The following RBPJ variants were observed in gnomAD, a reference collection of about 807,000 sequenced individuals.
RBPJ encodes the protein recombining binding protein suppressor of hairless.
RBPJ carries 9 observed loss-of-function variants against 67.8 expected under a neutral mutation model. The observed-to-expected ratio is 0.13, with a 90% CI of 0.08 to 0.23. The LOEUF is 0.23. RBPJ is among the 10% of genes least tolerant of loss of function. The pLI is 1.00. For missense variants in RBPJ, 305 were observed against 595.6 expected (o/e 0.51, Z 5.08); for synonymous variants, 198 against 203.3 (o/e 0.97, Z 0.22).
upstream of RBPJ, chr4:26,320,958 G>T: frequency 3.1e-6 from 5 of 1,612,874 alleles, no homozygotes; most frequent in Non-Finnish European, 3.4e-6. Flanking sequence ...GAAGGGGCGG[G>T]GGAGAGGGAC....
the RBPJ span, among the ~76,000 whole-genome samples, chr4:26,128,955 C>A: frequency 6.6e-6 from 1 of 152,218 alleles, no homozygotes; most frequent in Non-Finnish European, 1.5e-5. Context: ...TAAGGCCTCC[C>A]CAGCTACGTG....
intron 2 of RBPJ, among the ~76,000 whole-genome samples, chr4:26,394,026 ATT>A (rs5856942): frequency 8.7e-4 from 115 of 131,792 alleles, no homozygotes; most frequent in Middle Eastern, 4.3e-3. Context: ...CTATGGATTC[ATT>A]TTTTTTTTTT....
At chr4:26,397,884 C>T (rs889621964) in intron 2 of RBPJ, among the ~76,000 whole-genome samples, 2 of 152,156 alleles carry the variant, frequency 1.3e-5, no homozygotes, top group South Asian at 4.1e-4. Flanking sequence ...CCGCCTGCGT[C>T]GGCCTCCCAA....
intron 1 of RBPJ, among the ~76,000 whole-genome samples, chr4:26,245,291 C>T (rs1041129868): frequency 4.0e-5 from 6 of 150,578 alleles, no homozygotes. Context: ...TCACTGCAAC[C>T]TCCACCTCCC....
Position 26,177,053 on chromosome 4 carries a change from T to A in RBPJ, c.-167+13439T>A, listed in dbSNP as rs75182624. 5.2e-3 allele frequency among the ~76,000 whole-genome samples: 795 copies of A among 152,340 alleles called. 5 individuals carry two copies. The highest frequency in any genetic ancestry group is 0.018 in the African/African-American group (754 of 41,596). On this transcript the variant is annotated intron_variant, in intron 1 of 4. Transcript: ENST00000512351. ...TCTTTCCTTCTTAGACTTGTGACACTGTGAGTTTACACACAGGAATCTGGA... is the reference window on the plus strand; with the variant it reads ...TCTTTCCTTCTTAGACTTGTGACACAGTGAGTTTACACACAGGAATCTGGA...
intron 2 of RBPJ, among the ~76,000 whole-genome samples, chr4:26,399,949 GATTA>G (rs1456038610): frequency 6.6e-6 from 1 of 152,104 alleles, no homozygotes; most frequent in African/African-American, 2.4e-5. Context: ...AAAGTGCTGT[GATTA>G]CAGGCGTAAT....
In RBPJ at chr4:26,424,754, A is replaced by C; in HGVS notation, c.747+11A>C. On this transcript the variant is annotated intron_variant, in intron 7 of 10. Transcript: ENST00000355476. This position sits in a 1 kb window ranked among gnomAD's most constrained non-coding sequence, Gnocchi z 5.3. ...GCACTCCCAAGATTGGTATGGCTCT[A>C]CTTTTGCTTTAGTGATAATGTGAAG... is the stretch of plus-strand genomic sequence containing the variant. The C allele has an allele frequency of 6.7e-7, 1 of 1,500,822 alleles. No homozygotes were observed. The highest frequency in any genetic ancestry group is 2.3e-5 in the East Asian group (1 of 44,344). The allele number at this position is 1,500,822 out of a possible 1,614,324, so 93.0% of individuals were successfully genotyped here. A position where few individuals can be genotyped will look rare whatever the true frequency, so the allele number is the denominator to read the frequency against.
chr4:26,288,061 A>AT, intron 1 of RBPJ, among the ~76,000 whole-genome samples: 1 of 152,186 alleles, frequency 6.6e-6, no homozygotes, highest in Non-Finnish European at 1.5e-5. Flanking sequence ...ATAAAGTCTG[A>AT]TATTAGTCCT....
intron 1 of RBPJ, among the ~76,000 whole-genome samples, chr4:26,182,106 GC>G (rs1239061634): frequency 6.6e-6 from 1 of 152,212 alleles, no homozygotes; most frequent in Non-Finnish European, 1.5e-5. Flanking sequence ...ACTTTGGGAG[GC>G]CGAGGCAGCC....
At chr4:26,379,868 G>A (rs748219782) in intron 1 of RBPJ, among the ~76,000 whole-genome samples, 3 of 152,110 alleles carry the variant, frequency 2.0e-5, no homozygotes. Context: ...GAGCCATAGT[G>A]CCTAAGAAAG....
chr4:26,155,065 T>C, the RBPJ span, among the ~76,000 whole-genome samples: 3 of 152,192 alleles, frequency 2.0e-5, no homozygotes, highest in East Asian at 5.8e-4. Context: ...CTTTTTGGAA[T>C]ATCATTAAAA....
At chr4:26,374,073 C>A (rs958819821) in intron 1 of RBPJ, among the ~76,000 whole-genome samples, 28 of 151,996 alleles carry the variant, frequency 1.8e-4, no homozygotes, top group Admixed American at 1.6e-3. Context: ...TGCCCGCCAC[C>A]GGCTTACAGG....
chr4:26,129,102 A>G, the RBPJ span, among the ~76,000 whole-genome samples: 1 of 152,242 alleles, frequency 6.6e-6, no homozygotes, highest in Admixed American at 6.5e-5. Flanking sequence ...TTTCACTTAC[A>G]TTGTCTCACT....
intron 1 of RBPJ, among the ~76,000 whole-genome samples, chr4:26,166,876 C>A (rs542513736): frequency 6.6e-6 from 1 of 152,310 alleles, no homozygotes; most frequent in South Asian, 2.1e-4. Context: ...TTTAATCCAT[C>A]TTGAATTAAT....
At chr4:26,395,322 C>T (rs994542059) in intron 2 of RBPJ, among the ~76,000 whole-genome samples, 1 of 151,982 alleles carries the variant, frequency 6.6e-6, no homozygotes, top group Non-Finnish European at 1.5e-5. Flanking sequence ...TGGTATTGCC[C>T]GCCTGTGGTC....
At chr4:26,255,577 C>A (rs13121234) in intron 1 of RBPJ, among the ~76,000 whole-genome samples, 1 of 149,224 alleles carries the variant, frequency 6.7e-6, no homozygotes, top group Non-Finnish European at 1.5e-5. Context: ...CCAAGGCGGG[C>A]GGATCACGAG....
intron 1 of RBPJ, among the ~76,000 whole-genome samples, chr4:26,213,367 G>C (rs1718504928): frequency 6.6e-6 from 1 of 152,102 alleles, no homozygotes; most frequent in South Asian, 2.1e-4. Flanking sequence ...TTCAAGGGCA[G>C]AGAAAAAAAC....
chr4:26,232,602 A>G (rs1329254429), intron 1 of RBPJ, among the ~76,000 whole-genome samples: 1 of 152,248 alleles, frequency 6.6e-6, no homozygotes, highest in African/African-American at 2.4e-5. Context: ...GCAATCTGTA[A>G]CAGAATGTTC....
At chr4:26,361,176 T>G (rs944485225) in intron 1 of RBPJ, among the ~76,000 whole-genome samples, 3 of 151,958 alleles carry the variant, frequency 2.0e-5, no homozygotes, top group Admixed American at 6.6e-5. Context: ...AAGACGGTTG[T>G]GGCTACAGGC....
Sources: gnomAD v4.1 joint callset for allele counts (sites outside exome capture counted in the v4.1 genomes callset) on GRCh38, gnomAD v4.1.1 for gene constraint, Gnocchi (gnomAD v3.1) non-coding constraint, MANE v1.5 for transcripts, NCBI Gene and HGNC (gene_info 2026-07-23, HGNC 2026-07-21) for gene names.